The following SMNDC1 variants were observed in gnomAD, a reference collection of about 807,000 sequenced individuals.
SMNDC1 encodes survival motor neuron domain containing 1, also known as survival of motor neuron-related-splicing factor 30.
A neutral mutation model predicts 29.2 loss-of-function variants in SMNDC1; 5 were observed. The observed-to-expected ratio is 0.17, with a 90% CI of 0.09 to 0.36. The LOEUF is 0.36. Ranked by LOEUF, SMNDC1 falls within the 10% of genes least tolerant of loss-of-function variation. SMNDC1 has a pLI of 1.00. For synonymous variants in SMNDC1, 80 were observed against 89.9 expected (o/e 0.89, Z 0.62); for missense variants, 142 against 268.5 (o/e 0.53, Z 3.29).
chr10:110,301,270 A>G (rs911178486), intron 2 of SMNDC1, among the ~76,000 whole-genome samples: 1 of 152,224 alleles, frequency 6.6e-6, no homozygotes, highest in African/African-American at 2.4e-5. Flanking sequence ...GAGGGGGGGA[A>G]CCCCACAGCA....
chr10:110,295,497 A>G (rs1299056759), intron 4 of SMNDC1, 116 bp from the exon 5 acceptor site: 1 of 663,828 alleles, frequency 1.5e-6, no homozygotes, highest in African/African-American at 1.9e-5. Context: ...TGGTCTATGA[A>G]TAAAAAGTAC....
At chr10:110,301,373 A>G (rs1452813854) in intron 2 of SMNDC1, among the ~76,000 whole-genome samples, 1 of 144,144 alleles carries the variant, frequency 6.9e-6, no homozygotes, top group African/African-American at 2.4e-5. Context: ...ACCTCATCTT[A>G]AAAGATGGTT....
intron 5 of SMNDC1, among the ~76,000 whole-genome samples, chr10:110,294,958 G>C (rs751302113): frequency 1.3e-5 from 2 of 152,148 alleles, no homozygotes; most frequent in African/African-American, 2.4e-5. Flanking sequence ...CCTCTAAGTA[G>C]CAACTATTTT....
At chr10:110,298,013 CAG>C (rs1857591891) in intron 3 of SMNDC1, among the ~76,000 whole-genome samples, 1 of 152,034 alleles carries the variant, frequency 6.6e-6, no homozygotes, top group Non-Finnish European at 1.5e-5. Flanking sequence ...TTTTTTGCGA[CAG>C]AGTCTCACTG....
chr10:110,302,018 A>C (rs1371901128), intron 2 of SMNDC1, among the ~76,000 whole-genome samples: 1 of 152,244 alleles, frequency 6.6e-6, no homozygotes, highest in Non-Finnish European at 1.5e-5. Context: ...CTGCCCAAGA[A>C]GCAATATACA....
Position 110,295,285 on chromosome 10 carries a change from C to T in SMNDC1, c.522G>A (p.Gln174=). ...TGTTGAATTGTTGCCATTTCACTTT[C>T]TGGTCCTCTCTTTCCTGCTCAAGTT... ...IKELEQERED[Q]KVKWQQFNNR... is the part of the protein sequence containing the mutation. The change falls in exon 5 of 6, where the codon CAG becomes CAA. Residue 174 remains glutamine (Q), a synonymous_variant. Coordinates refer to ENST00000369603, the MANE Select transcript of SMNDC1 (RefSeq NM_005871.4). The T allele has an allele frequency of 6.2e-7, 1 of 1,609,096 alleles. No homozygotes were observed. Among genetic ancestry groups the T allele is most frequent in the Non-Finnish European group, 8.5e-7 (1 of 1,178,650 alleles).
rs1857534725 is a variant in SMNDC1 at position 110,294,131 on chromosome 10, A to G, written c.*19T>C. On this transcript the variant is annotated 3_prime_UTR_variant, in exon 6 of 6. Transcript: ENST00000369603. ...TAAATGTAAAGCCCTGCAGAGATGA[A>G]ATCCAACAGTTTTTCTGATTATTGA... is the stretch of plus-strand genomic sequence containing the variant. 6.4e-7 allele frequency: 1 copy of G among 1,557,184 alleles called. No individual in the cohort carries two copies. The highest frequency in any genetic ancestry group is 8.6e-7 in the Non-Finnish European group (1 of 1,157,500).
At chr10:110,301,327 A>AGTCTCAATGGAGACAACAATTACTGG (rs1230612958) in intron 2 of SMNDC1, among the ~76,000 whole-genome samples, 7,671 of 152,238 alleles carry the variant, frequency 0.05, 282 homozygotes, top group Middle Eastern at 0.15. Flanking sequence ...ACAATTACTG[A>AGTCTCAATGGAGACAACAATTACTGG]GTGGAAGCTT....
chr10:110,300,301 C>A (rs1025623368), intron 2 of SMNDC1, among the ~76,000 whole-genome samples: 3 of 152,134 alleles, frequency 2.0e-5, no homozygotes, highest in Non-Finnish European at 2.9e-5. Context: ...AAATATATTT[C>A]ATCAAAGAAA....
chr10:110,298,764 A>C lies in SMNDC1; in HGVS notation c.147T>G (p.Leu49=), dbSNP rs1857605147. The change falls in exon 3 of 6, where the codon CTT becomes CTG. Residue 49 remains leucine (L), a synonymous_variant. Coordinates refer to ENST00000369603, the MANE Select transcript of SMNDC1 (RefSeq NM_005871.4). ...LQEVIELTKD[L]LSTQPSETLA... ...GCGTCTCAGAAGGTTGAGTTGACAG[A>C]AGGTCTTTGGTTAGTTCTATAACTT... 8 of 1,613,690 alleles carry C rather than the reference A, an allele frequency of 5.0e-6. No individual in the cohort carries two copies. The highest frequency in any genetic ancestry group is 1.7e-4 in the Middle Eastern group (1 of 6,056).
intron 5 of SMNDC1, 94 bp downstream of exon 5, chr10:110,295,134 A>G: frequency 8.3e-7 from 1 of 1,198,032 alleles, no homozygotes; most frequent in Non-Finnish European, 1.2e-6. Flanking sequence ...AGTTAATCAT[A>G]CTTTACAAAA....
At position 110,298,656 on chromosome 10, in the gene SMNDC1, T is replaced by C. The variant is rs200552223; in HGVS notation, c.255A>G (p.Glu85=). Residue 85 remains glutamate, a synonymous_variant, in exon 3 of 6, where the codon GAA becomes GAG. Transcript: ENST00000369603. ...VGDKCMAVWS[E]DGQCYEAEIE... ...TTTTTTTCTACACTTACTGTCCATC[T>C]TCACTCCAGACTGCCATACACTTGT... 1 of 1,609,622 alleles carries C rather than the reference T, an allele frequency of 6.2e-7. No individual in the cohort carries two copies. The highest frequency in any genetic ancestry group is 2.2e-5 in the East Asian group (1 of 44,818).
At chr10:110,297,125 C>T (rs1229468067) in intron 4 of SMNDC1, among the ~76,000 whole-genome samples, 1 of 152,170 alleles carries the variant, frequency 6.6e-6, no homozygotes, top group Non-Finnish European at 1.5e-5. Context: ...AAGAAATCTG[C>T]CCTAATAATA....
intron 4 of SMNDC1, among the ~76,000 whole-genome samples, chr10:110,296,746 C>G (rs767344036): frequency 6.6e-6 from 1 of 152,124 alleles, no homozygotes. Context: ...GGCTTACAAG[C>G]TCTTTATGTT....
intron 4 of SMNDC1, among the ~76,000 whole-genome samples, chr10:110,296,499 C>CT (rs1202896878): frequency 4.6e-5 from 7 of 152,140 alleles, no homozygotes; most frequent in Admixed American, 3.9e-4. Flanking sequence ...TTCAAAAACT[C>CT]TTGACAAATC....
intron 2 of SMNDC1, among the ~76,000 whole-genome samples, chr10:110,303,257 G>C (rs979545670): frequency 6.6e-6 from 1 of 152,140 alleles, no homozygotes; most frequent in Non-Finnish European, 1.5e-5. Context: ...AAGCACACAA[G>C]ATTTATATAA....
At position 110,294,104 on chromosome 10, in the gene SMNDC1, G is replaced by C; in HGVS notation, c.*46C>G. The C allele has an allele frequency of 1.4e-6, 2 of 1,416,010 alleles. No individual in the cohort carries two copies. The highest frequency in any genetic ancestry group is 1.9e-6 in the Non-Finnish European group (2 of 1,070,526). The allele number at this position is 1,416,010 out of a possible 1,614,324, so 87.7% of individuals were successfully genotyped here. ...CTTTAGAAAAATATAAGGATAAAAA[G>C]GTAAATGTAAAGCCCTGCAGAGATG... On this transcript the variant is annotated 3_prime_UTR_variant, in exon 6 of 6. Coordinates refer to ENST00000369603, the MANE Select transcript of SMNDC1 (RefSeq NM_005871.4).
rs1857526136 is a variant in SMNDC1 at position 110,293,708 on chromosome 10, C to G, written c.*442G>C. ...ACTGAACGACAGCTAAGTTTTAAAG[C>G]TGAAAATAAGAAAAATGAAAAGATC... On this transcript the variant is annotated 3_prime_UTR_variant, in exon 6 of 6. Coordinates refer to ENST00000369603, the MANE Select transcript of SMNDC1 (RefSeq NM_005871.4). 1 of 152,328 alleles carries G rather than the reference C, an allele frequency of 6.6e-6. No homozygotes were observed. Among genetic ancestry groups the G allele is most frequent in the Admixed American group, 6.5e-5 (1 of 15,276 alleles). The allele number at this position is 152,328 out of a possible 1,614,324, so 9.4% of individuals were successfully genotyped here.
intron 3 of SMNDC1, among the ~76,000 whole-genome samples, chr10:110,298,070 C>T (rs920839749): frequency 1.3e-5 from 2 of 152,158 alleles, no homozygotes; most frequent in African/African-American, 4.8e-5. Context: ...CTCACTTCAA[C>T]CTCCGCCTCC....
Sources: allele counts gnomAD v4.1 joint callset (sites outside exome capture counted in the v4.1 genomes callset), GRCh38; gene constraint gnomAD v4.1.1; transcripts MANE v1.5; gene names NCBI Gene and HGNC (gene_info 2026-07-23, HGNC 2026-07-21).